Variants in CACNA1G observed in about 807,000 individuals in gnomAD.
CACNA1G encodes the protein voltage-dependent T-type calcium channel subunit alpha-1G.
In CACNA1G, 67 loss-of-function variants were observed where a neutral mutation model predicts 219.4. The observed-to-expected ratio is 0.31, with a 90% CI of 0.25 to 0.37. CACNA1G has a LOEUF of 0.37. CACNA1G is among the 10% of genes least tolerant of loss of function. The pLI is 1.00. For synonymous variants in CACNA1G, 1,296 were observed against 1,345.3 expected (o/e 0.96, Z 0.80); for missense variants, 2,380 against 3,231.4 (o/e 0.74, Z 6.39).
In CACNA1G at chr17:50,572,707, G is replaced by A. The variant is rs2144763314; in HGVS notation, c.900G>A (p.Leu300=). Reference sequence around the variant, plus strand: ...GGGGCGGTGGCCCACCTTGCGGTCTGGACTATGAGGCCTACAACAGCTCCA... The same window carrying A: ...GGGGCGGTGGCCCACCTTGCGGTCTAGACTATGAGGCCTACAACAGCTCCA... ...GDGGGGPPCG[L]DYEAYNSSSN... Residue 300 remains leucine, a synonymous_variant, in exon 6 of 38, where the codon CTG becomes CTA. Coordinates refer to ENST00000359106, the MANE Select transcript of CACNA1G (RefSeq NM_018896.5). 1 of 1,613,738 alleles carries A rather than the reference G, an allele frequency of 6.2e-7. No individual in the cohort carries two copies. The highest frequency in any genetic ancestry group is 1.1e-5 in the South Asian group (1 of 91,040).
chr17:50,622,411 T>C lies in CACNA1G; in HGVS notation c.6060+617T>C, dbSNP rs146003732. Among the ~76,000 whole-genome samples, 437 of 152,188 alleles carry C rather than the reference T, an allele frequency of 2.9e-3. 3 individuals carry two copies. Among genetic ancestry groups the C allele is most frequent in the South Asian group, 7.1e-3 (34 of 4,816 alleles). ...TTCTCCAGCTCCCGTCCCTTCTGACTGTGAGCAGCCCCCTCCTCTCCACTG... is the reference window on the plus strand; with the variant it reads ...TTCTCCAGCTCCCGTCCCTTCTGACCGTGAGCAGCCCCCTCCTCTCCACTG... On this transcript the variant is annotated intron_variant, in intron 35 of 37. Transcript: ENST00000359106.
chr17:50,609,276 CT>C (rs2048663052), intron 25 of CACNA1G, among the ~76,000 whole-genome samples: 1 of 152,120 alleles, frequency 6.6e-6, no homozygotes, highest in Non-Finnish European at 1.5e-5. Context: ...AGAGCGGGAG[CT>C]GCTCCAGGAT....
chr17:50,566,308 C>CA (rs1305242461), intron 1 of CACNA1G, among the ~76,000 whole-genome samples: 2 of 142,798 alleles, frequency 1.4e-5, no homozygotes, highest in Non-Finnish European at 3.1e-5. Context: ...GGTGAAAGAC[C>CA]CCCCCCCCAT....
chr17:50,625,776 G>A (rs554697977), intron 37 of CACNA1G, among the ~76,000 whole-genome samples: 1 of 152,164 alleles, frequency 6.6e-6, no homozygotes, highest in Admixed American at 6.5e-5. Flanking sequence ...CAGGCTTAGG[G>A]GAGACCAGAG....
intron 34 of CACNA1G, 40 bp downstream of exon 34, chr17:50,619,866 G>T: frequency 6.4e-7 from 1 of 1,553,926 alleles, no homozygotes; most frequent in Non-Finnish European, 8.7e-7. Context: ...CCCTGACCGT[G>T]CTGGGCTGTG....
At position 50,626,741 on chromosome 17, in the gene CACNA1G, T is replaced by C; in HGVS notation, c.7124T>C (p.Leu2375Pro). The C allele has an allele frequency of 6.2e-7, 1 of 1,613,180 alleles. No homozygotes were observed. Among genetic ancestry groups the C allele is most frequent in the African/African-American group, 1.3e-5 (1 of 75,036 alleles). Residue 2375 changes from leucine to proline, a missense_variant, in exon 38 of 38, where the codon CTG (leucine) becomes CCG (proline). Physicochemically the swap from Leu to Pro is moderately conservative, Grantham distance 98. This residue lies in a region of CACNA1G where 672 missense variants were observed against 670.5 expected (regional missense o/e 1.00). Transcript: ENST00000359106. The surrounding 1 kb of genome is among the most constrained non-coding windows in gnomAD (Gnocchi z 4.3). ...GGTTTATCCTCTGACCCAGCAGACCTGGACCCCTGAGTCCTGCCCCACTTT... is the reference window on the plus strand; with the variant it reads ...GGTTTATCCTCTGACCCAGCAGACCCGGACCCCTGAGTCCTGCCCCACTTT... ...LSGLSSDPAD[L>P]DP
At position 50,621,666 on chromosome 17, in the gene CACNA1G, C is replaced by G. The variant is rs2052094188; in HGVS notation, c.5932C>G (p.Leu1978Val). 1.2e-6 allele frequency: 2 copies of G among 1,613,848 alleles called. No homozygotes were observed. Among genetic ancestry groups the G allele is most frequent in the Admixed American group, 3.3e-5 (2 of 60,008 alleles). ...SLGGSDPQIP[L>V]AEMEALSLTS... ...CATCTCTCTCCCTGTCTAGATCCCT[C>G]TAGCTGAGATGGAGGCTCTGTCTCT... is the stretch of plus-strand genomic sequence containing the variant. Residue 1978 changes from leucine to valine, a missense_variant, in exon 35 of 38, where the codon CTA becomes GTA. Leu to Val is a conservative substitution (Grantham distance 32). Around this residue, in one of 17 missense-constraint regions of CACNA1G, gnomAD observed 672 missense variants for 670.5 expected, o/e 1.00. Transcript: ENST00000359106. The surrounding 1 kb of genome is among the most constrained non-coding windows in gnomAD (Gnocchi z 4.6).
At position 50,575,550 on chromosome 17, in the gene CACNA1G, C is replaced by T; in HGVS notation, c.1148C>T (p.Ser383Phe). 1 of 1,607,052 alleles carries T rather than the reference C, an allele frequency of 6.2e-7. No homozygotes were observed. The highest frequency in any genetic ancestry group is 8.5e-7 in the Non-Finnish European group (1 of 1,174,934). The part of the protein sequence containing the change: ...IYFILLIIVG[S>F]FFMINLCLVV... Reference sequence around the variant, plus strand: ...CTGTCCCCACCCCTACAGGTGGGCTCCTTCTTCATGATCAACCTGTGCCTG... The same window carrying T: ...CTGTCCCCACCCCTACAGGTGGGCTTCTTCTTCATGATCAACCTGTGCCTG... Residue 383 changes from serine to phenylalanine, a missense_variant, in exon 8 of 38, where the codon TCC becomes TTC. Transcript: ENST00000359106.
At chr17:50,623,754 G>T (rs1449469689) in intron 35 of CACNA1G, among the ~76,000 whole-genome samples, 153 bp from the exon 36 acceptor site, 2 of 152,110 alleles carry the variant, frequency 1.3e-5, no homozygotes, top group African/African-American at 4.8e-5. Flanking sequence ...CCTCTCCCCA[G>T]CCATGCTCAT....
intron 9 of CACNA1G, among the ~76,000 whole-genome samples, chr17:50,581,059 T>A (rs1263679799): frequency 9.3e-6 from 1 of 107,234 alleles, no homozygotes; most frequent in Non-Finnish European, 1.9e-5. Flanking sequence ...GAGAGGAGAC[T>A]GATGGGGGCG....
At chr17:50,609,482 C>T (rs1598612032) in intron 25 of CACNA1G, among the ~76,000 whole-genome samples, 1 of 152,164 alleles carries the variant, frequency 6.6e-6, no homozygotes, top group African/African-American at 2.4e-5. Flanking sequence ...CCATCCTCCC[C>T]ACCCCCACCT....
intron 35 of CACNA1G, among the ~76,000 whole-genome samples, chr17:50,622,410 CTG>C (rs2052385010): frequency 6.6e-6 from 1 of 152,082 alleles, no homozygotes; most frequent in South Asian, 2.1e-4. Context: ...TCCCTTCTGA[CTG>C]TGAGCAGCCC....
At chr17:50,577,120 C>T (rs751098060) in intron 8 of CACNA1G, among the ~76,000 whole-genome samples, 6 of 152,132 alleles carry the variant, frequency 3.9e-5, no homozygotes, top group Non-Finnish European at 5.9e-5. Context: ...GAACCCAGAG[C>T]GAAAGGTTTC....
At chr17:50,580,651 G>A (rs374724007) in intron 9 of CACNA1G, among the ~76,000 whole-genome samples, 14 of 152,328 alleles carry the variant, frequency 9.2e-5, no homozygotes, top group African/African-American at 3.4e-4. Context: ...GAGGAAGGGC[G>A]GAGACAGCCC....
intron 1 of CACNA1G, among the ~76,000 whole-genome samples, chr17:50,565,030 C>G (rs917756959): frequency 6.6e-6 from 1 of 151,980 alleles, no homozygotes; most frequent in Non-Finnish European, 1.5e-5. Context: ...ACAGCCCCCC[C>G]CACCCTCGCC....
At chr17:50,568,747 TG>T in intron 1 of CACNA1G, 122 bp from the exon 2 acceptor site, 1 of 755,966 alleles carries the variant, frequency 1.3e-6, no homozygotes, top group Non-Finnish European at 2.3e-6. Flanking sequence ...GTCAGGGCCC[TG>T]GCACCACACC....
chr17:50,618,892 C>T lies in CACNA1G; in HGVS notation c.5665C>T (p.Pro1889Ser), dbSNP rs765966749. The change falls in exon 33 of 38, where the codon CCC becomes TCC. Residue 1889 changes from proline (P) to serine (S), a missense_variant. Around this residue, in one of 17 missense-constraint regions of CACNA1G, gnomAD observed 672 missense variants for 670.5 expected, o/e 1.00. Coordinates refer to ENST00000359106, the MANE Select transcript of CACNA1G (RefSeq NM_018896.5). This position sits in a 1 kb window ranked among gnomAD's most constrained non-coding sequence, Gnocchi z 5.3. ...CCAGCCCCACTCGCCACTGGGCAGC[C>T]CCTTCCTCTGGCCTGGGGTCGAGGG... ...SPQPHSPLGS[P>S]FLWPGVEGPD... 2 of 1,611,534 alleles carry T rather than the reference C, an allele frequency of 1.2e-6. No homozygotes were observed. The highest frequency in any genetic ancestry group is 1.7e-4 in the Middle Eastern group (1 of 6,014).
In CACNA1G at chr17:50,626,699, A is replaced by G; in HGVS notation, c.7082A>G (p.Asp2361Gly). The change falls in exon 38 of 38, where the codon GAT becomes GGT. Residue 2361 changes from aspartate to glycine, a missense_variant. Asp to Gly is a moderately conservative substitution (Grantham distance 94). Coordinates refer to ENST00000359106, the MANE Select transcript of CACNA1G (RefSeq NM_018896.5). This position sits in a 1 kb window ranked among gnomAD's most constrained non-coding sequence, Gnocchi z 4.3. The stretch of plus-strand genomic sequence containing the variant: ...GCTGCCTCGCCCTCCCCAAAGAAAG[A>G]TGTGCTGAGTCTCTCCGGTTTATCC... ...SMAASPSPKK[D>G]VLSLSGLSSD... is the part of the protein sequence containing the mutation. 6.2e-7 allele frequency: 1 copy of G among 1,613,156 alleles called. No individual in the cohort carries two copies. Among genetic ancestry groups the G allele is most frequent in the Non-Finnish European group, 8.5e-7 (1 of 1,179,850 alleles).
intron 27 of CACNA1G, 22 bp downstream of exon 27, chr17:50,615,534 A>C (rs202139598): frequency 6.2e-7 from 1 of 1,608,348 alleles, no homozygotes. Context: ...TGGACCAGCC[A>C]TCTGGCCCCC....
Sources: allele counts gnomAD v4.1 joint callset (sites outside exome capture counted in the v4.1 genomes callset), GRCh38; gene constraint gnomAD v4.1.1; regional missense constraint gnomAD v4.1.1; non-coding constraint Gnocchi (gnomAD v3.1); transcripts MANE v1.5; gene names NCBI Gene and HGNC (gene_info 2026-07-23, HGNC 2026-07-21).